Variants in ZNF439 observed in about 807,000 individuals in gnomAD.
ZNF439 encodes zinc finger protein 439.
A neutral mutation model predicts 47.3 loss-of-function variants in ZNF439; 40 were observed. The observed-to-expected ratio is 0.85, with a 90% CI of 0.66 to 1.10. ZNF439 has a LOEUF of 1.10. Among genes scored for constraint, ZNF439 ranks in the 50% least tolerant of loss-of-function variants. The pLI is 0.00. For synonymous variants in ZNF439, 171 were observed against 198.8 expected (o/e 0.86, Z 1.18); for missense variants, 556 against 601.1 (o/e 0.93, Z 0.78).
At chr19:11,849,060 C>G in intron 1 of ZNF439, 130 bp downstream of exon 1, 1 of 1,223,520 alleles carries the variant, frequency 8.2e-7, no homozygotes, top group Non-Finnish European at 1.0e-6. Context: ...CCTCGGTCCC[C>G]GCGGCCGCTG....
chr19:11,862,644 G>T (rs1171572895), intron 1 of ZNF439, among the ~76,000 whole-genome samples: 1 of 152,126 alleles, frequency 6.6e-6, no homozygotes, highest in Non-Finnish European at 1.5e-5. Flanking sequence ...CACATCCCTA[G>T]TGAATGAGAG....
At chr19:11,856,942 G>A (rs1976401992) in intron 1 of ZNF439, 1 of 152,226 alleles carries the variant, frequency 6.6e-6, no homozygotes, top group Admixed American at 6.5e-5. Context: ...GCTTTTAATT[G>A]TAGCAGTTTC....
chr19:11,867,914 C>G lies in ZNF439; in HGVS notation c.860C>G (p.Pro287Arg). The change falls in exon 4 of 4, where the codon CCC becomes CGC. Residue 287 changes from proline to arginine, a missense_variant. Transcript: ENST00000682736. ...CQECGKAFHS[P>R]RSCHRHERSH... The stretch of plus-strand genomic sequence containing the variant: ...GAATGTGGGAAAGCATTCCATAGTC[C>G]CAGATCCTGTCACAGACATGAAAGG... The G allele has an allele frequency of 6.2e-7, 1 of 1,613,894 alleles. No individual in the cohort carries two copies. Among genetic ancestry groups the G allele is most frequent in the Non-Finnish European group, 8.5e-7 (1 of 1,179,984 alleles).
chr19:11,867,968 G>GT lies in ZNF439; in HGVS notation c.915dup (p.Lys306Ter), dbSNP rs1976746029. ...CACATGGGAGAGAAGGCTTATCAAT[G>GT]TAAGGAATGTGGAAAAGCATTCATG... On this transcript the variant is annotated frameshift_variant, in exon 4 of 4. Transcript: ENST00000682736. LOFTEE classifies it high-confidence loss of function. 2 of 1,614,054 alleles carry GT rather than the reference G, an allele frequency of 1.2e-6. No individual in the cohort carries two copies. Among genetic ancestry groups the GT allele is most frequent in the African/African-American group, 1.3e-5 (1 of 74,918 alleles).
intron 1 of ZNF439, chr19:11,857,303 A>G (rs1038515242): frequency 2.6e-5 from 4 of 152,250 alleles, no homozygotes; most frequent in Non-Finnish European, 4.4e-5. Flanking sequence ...GATATTTCCC[A>G]TGCTGTGGCC....
intron 1 of ZNF439, among the ~76,000 whole-genome samples, chr19:11,851,778 A>T (rs1190484303): frequency 1.3e-5 from 2 of 151,822 alleles, no homozygotes; most frequent in Non-Finnish European, 2.9e-5. Flanking sequence ...CCTCCCAAGT[A>T]GCTGAGACTA....
At chr19:11,861,562 G>C (rs1198070686) in intron 1 of ZNF439, among the ~76,000 whole-genome samples, 2 of 152,164 alleles carry the variant, frequency 1.3e-5, no homozygotes, top group East Asian at 3.8e-4. Flanking sequence ...CCCAACTCCA[G>C]TTTCCATTAA....
intron 1 of ZNF439, among the ~76,000 whole-genome samples, chr19:11,854,576 G>A (rs1204592726): frequency 6.6e-6 from 1 of 152,146 alleles, no homozygotes; most frequent in Non-Finnish European, 1.5e-5. Context: ...TGGCCAACAT[G>A]GTGAAACCCC....
intron 1 of ZNF439, chr19:11,857,119 C>T (rs150919135): frequency 1.1e-4 from 16 of 152,272 alleles, no homozygotes; most frequent in South Asian, 2.1e-4. Flanking sequence ...CATAGCTGCA[C>T]GCCCTTTGGA....
rs1437108242 is a variant in ZNF439 at position 11,867,811 on chromosome 19, G to A, written c.757G>A (p.Gly253Ser). The A allele has an allele frequency of 6.2e-7, 1 of 1,613,818 alleles. No homozygotes were observed. ...GAAACCGTATGAATGTAAACAATGT[G>A]GTAAATCTTTTAGTTATTCTGCTAC... ...GEKPYECKQC[G>S]KSFSYSATHR... The change falls in exon 4 of 4, where the codon GGT becomes AGT. Residue 253 changes from glycine to serine, a missense_variant. Transcript: ENST00000682736.
intron 1 of ZNF439, chr19:11,849,624 G>C (rs1976177346): frequency 6.6e-6 from 1 of 152,550 alleles, no homozygotes; most frequent in Non-Finnish European, 1.5e-5. Flanking sequence ...TGGAAGGGGG[G>C]TTAGGAGGCA....
At chr19:11,849,937 A>G (rs1416182250) in intron 1 of ZNF439, 2 of 151,066 alleles carry the variant, frequency 1.3e-5, no homozygotes, top group East Asian at 3.9e-4. Context: ...CTGCATGTAA[A>G]CTCCTAAAGG....
At position 11,848,770 on chromosome 19, in the gene ZNF439, T is replaced by G. The variant is rs1163491719; in HGVS notation, c.-98T>G. On this transcript the variant is annotated 5_prime_UTR_variant, in exon 1 of 4. Coordinates refer to ENST00000682736, the MANE Select transcript of ZNF439 (RefSeq NM_001348719.2). Reference sequence around the variant, plus strand: ...AGGATGTTGCATTCCTGCCGTCACCTTTGTCGCTGCGAGGGCGGCGGTTGG... The same window carrying G: ...AGGATGTTGCATTCCTGCCGTCACCGTTGTCGCTGCGAGGGCGGCGGTTGG... 6.8e-6 allele frequency: 9 copies of G among 1,317,476 alleles called. No homozygotes were observed. The highest frequency in any genetic ancestry group is 6.9e-6 in the Non-Finnish European group (7 of 1,011,510). 81.6% of individuals were successfully genotyped at this position (1,317,476 alleles called of 1,614,324 possible).
At chr19:11,849,765 A>G (rs1045333313) in intron 1 of ZNF439, 1 of 152,312 alleles carries the variant, frequency 6.6e-6, no homozygotes, top group African/African-American at 2.4e-5. Flanking sequence ...ATCCCAGCCA[A>G]AAAACAGTCC....
In ZNF439 at chr19:11,867,787, A is replaced by T. The variant is rs942260644; in HGVS notation, c.733A>T (p.Lys245Ter). 2.4e-5 allele frequency: 38 copies of T among 1,614,030 alleles called. No individual in the cohort carries two copies. The highest frequency in any genetic ancestry group is 1.6e-4 in the Middle Eastern group (1 of 6,084). The stretch of plus-strand genomic sequence containing the variant: ...CCATGAAAGAACTCACACTGGAGAG[A>T]AACCGTATGAATGTAAACAATGTGG... ...LIHERTHTGE[K>*]PYECKQCGKS... is the part of the protein sequence containing the mutation. Residue 245 changes from lysine to a stop codon, truncating the protein, a stop_gained, in exon 4 of 4, where the codon AAA (lysine) becomes TAA (stop). Coordinates refer to ENST00000682736, the MANE Select transcript of ZNF439 (RefSeq NM_001348719.2). LOFTEE classifies it high-confidence loss of function.
At chr19:11,849,158 G>A in intron 1 of ZNF439, 1 of 1,098,992 alleles carries the variant, frequency 9.1e-7, no homozygotes, top group Non-Finnish European at 1.1e-6. Context: ...GCCCTTTTGT[G>A]CAGCTCCGCG....
At chr19:11,857,440 G>C (rs1034373545) in intron 1 of ZNF439, 4 of 152,232 alleles carry the variant, frequency 2.6e-5, no homozygotes, top group Non-Finnish European at 5.9e-5. Context: ...GGTTTTAACT[G>C]TTTGATTAGG....
At chr19:11,855,529 A>G (rs1462231912) in intron 1 of ZNF439, among the ~76,000 whole-genome samples, 1 of 152,124 alleles carries the variant, frequency 6.6e-6, no homozygotes, top group Non-Finnish European at 1.5e-5. Context: ...GAGTCCTTCT[A>G]GTGGGGTGGT....
Position 11,868,640 on chromosome 19 carries a change from GA to G in ZNF439, c.*72del, listed in dbSNP as rs1232800613. On this transcript the variant is annotated 3_prime_UTR_variant, in exon 4 of 4. Transcript: ENST00000682736. The stretch of plus-strand genomic sequence containing the variant: ...AACACATGAAAAAATTCACACTGGA[GA>G]GAAACCCTATAAATGCAAGCAATGT... The G allele has an allele frequency of 2.5e-5, 38 of 1,494,470 alleles. No homozygotes were observed. Among genetic ancestry groups the G allele is most frequent in the Non-Finnish European group, 2.6e-5 (28 of 1,092,138 alleles). The allele number at this position is 1,494,470 out of a possible 1,614,324, so 92.6% of individuals were successfully genotyped here. A position where few individuals can be genotyped will look rare whatever the true frequency, so the allele number is the denominator to read the frequency against.
Sources: gnomAD v4.1 joint callset for allele counts (sites outside exome capture counted in the v4.1 genomes callset) on GRCh38, gnomAD v4.1.1 for gene constraint, MANE v1.5 for transcripts, NCBI Gene and HGNC (gene_info 2026-07-23, HGNC 2026-07-21) for gene names.